AKNAD1: variants seen among roughly 807,000 people sequenced by gnomAD.
AKNAD1 encodes protein AKNAD1.
AKNAD1 carries 67 observed loss-of-function variants against 90.8 expected under a neutral mutation model. The observed-to-expected ratio is 0.74, with a 90% CI of 0.61 to 0.90. AKNAD1 has a LOEUF of 0.90. Ranked by LOEUF, AKNAD1 falls within the 40% of genes least tolerant of loss-of-function variation. The probability of loss-of-function intolerance (pLI) is 0.00; values close to 1 mark genes in which losing one functional copy is unlikely to be tolerated. For missense variants in AKNAD1, 957 were observed against 975.4 expected, an observed-to-expected ratio of 0.98 and a Z score of 0.25; for synonymous variants, 327 against 341.4, an observed-to-expected ratio of 0.96 and a Z score of 0.46.
intron 11 of AKNAD1, among the ~76,000 whole-genome samples, chr1:108,826,437 T>C (rs1189696860): frequency 1.0e-5 from 1 of 97,558 alleles, no homozygotes; most frequent in Admixed American, 9.4e-5. Flanking sequence ...TAAACTATCT[T>C]TGAAAAAAAG....
At chr1:108,839,791 TG>T (rs1557833768) in intron 6 of AKNAD1, among the ~76,000 whole-genome samples, 1 of 152,076 alleles carries the variant, frequency 6.6e-6, no homozygotes, top group South Asian at 2.1e-4. Flanking sequence ...GACCACAGTG[TG>T]GGAGTATCAC....
intron 6 of AKNAD1, among the ~76,000 whole-genome samples, chr1:108,841,191 T>A (rs1323400053): frequency 2.6e-5 from 4 of 151,078 alleles, no homozygotes; most frequent in Non-Finnish European, 4.4e-5. Flanking sequence ...ATAATAGTAA[T>A]AATAAAAATA....
At chr1:108,843,985 AGT>A (rs566692017) in intron 5 of AKNAD1, among the ~76,000 whole-genome samples, 47 of 152,338 alleles carry the variant, frequency 3.1e-4, no homozygotes, top group African/African-American at 1.1e-3. Context: ...CTGGGCCAGA[AGT>A]GTGAGATTAA....
In AKNAD1 at chr1:108,831,645, C is replaced by CT. The variant is rs869205220; in HGVS notation, c.1747-996dup. Among the ~76,000 whole-genome samples the CT allele has an allele frequency of 9.9e-3, 1,391 of 141,166 alleles. 7 individuals are homozygous for CT. Among genetic ancestry groups the CT allele is most frequent in the Middle Eastern group, 0.026 (7 of 268 alleles). 92.6% of individuals were successfully genotyped at this position (141,166 alleles called of 152,430 possible). On this transcript the variant is annotated intron_variant, in intron 9 of 15. Transcript: ENST00000370001. The stretch of plus-strand genomic sequence containing the variant: ...TATTGGTTGTATTTCCTACCTGTGA[C>CT]TTTTTTTTTTTTTTTTGAGACGGAG...
At chr1:108,826,456 G>A (rs1281614525) in intron 11 of AKNAD1, among the ~76,000 whole-genome samples, 1 of 151,548 alleles carries the variant, frequency 6.6e-6, no homozygotes, top group Non-Finnish European at 1.5e-5. Context: ...AGGATCTTAT[G>A]ACTAAAAGCC....
At chr1:108,852,865 A>G (rs1292986574) in intron 1 of AKNAD1, 98 bp from the exon 2 acceptor site, 1 of 446,946 alleles carries the variant, frequency 2.2e-6, no homozygotes, top group Non-Finnish European at 3.8e-6. Flanking sequence ...TGAAAAATTC[A>G]GTTACAAACA....
chr1:108,834,825 A>G (rs1164649818), intron 8 of AKNAD1, 104 bp downstream of exon 8: 1 of 1,475,918 alleles, frequency 6.8e-7, no homozygotes, highest in Non-Finnish European at 9.0e-7. Context: ...GTGGTCCAAG[A>G]CTGCTTTTCC....
At position 108,827,275 on chromosome 1, in the gene AKNAD1, G is replaced by A. The variant is rs879613038; in HGVS notation, c.1866C>T (p.His622=). ...EWKQNVEKKG[H]GRINCGRFSI... ...AAAATCTTCCACAGTTGATCCTTCC[G>A]TGGCCCTTTTTCTCCACGTTTTGCT... Residue 622 remains histidine (H), a synonymous_variant, in exon 11 of 16, where the codon CAC becomes CAT. Transcript: ENST00000370001. 1.4e-5 allele frequency: 22 copies of A among 1,611,596 alleles called. No individual in the cohort carries two copies. The highest frequency in any genetic ancestry group is 2.3e-5 in the East Asian group (1 of 44,106).
At chr1:108,839,471 T>TAAAAAAAAAAAGAAAAAAAAAA (rs1553203224) in intron 6 of AKNAD1, among the ~76,000 whole-genome samples, 20,096 of 115,074 alleles carry the variant, frequency 0.17, 1,293 homozygotes, top group Non-Finnish European at 0.2. Flanking sequence ...TCCGTCTCAA[T>TAAAAAAAAAAAGAAAAAAAAAA]AAAAAAAAAA....
In AKNAD1 at chr1:108,851,637, C is replaced by T. The variant is rs374849699; in HGVS notation, c.993+35G>A. The T allele has an allele frequency of 1.4e-5, 22 of 1,525,532 alleles. No individual in the cohort carries two copies. The Admixed American group carries it at 3.4e-4, about 24-fold the overall frequency. The allele number at this position is 1,525,532 out of a possible 1,614,324, so 94.5% of individuals were successfully genotyped here. On this transcript the variant is annotated intron_variant, in intron 2 of 15. Coordinates refer to ENST00000370001, the MANE Select transcript of AKNAD1 (RefSeq NM_152763.5). ...CACTGAAAGAGATAAGCAGTGGTCC[C>T]AATTAATGTGTTTACAGGAGACTGT...
At position 108,837,647 on chromosome 1, in the gene AKNAD1, A is replaced by G. The variant is rs772556349; in HGVS notation, c.1439T>C (p.Met480Thr). ...EMLLEDVKEK[M>T]DESKYTSAPS... is the part of the protein sequence containing the mutation. ...AGCTGAAGTATATTTGCTTTCATCC[A>G]TTTTCTCTTTAACATCTTCAAGCAG... Residue 480 changes from methionine (M) to threonine (T), a missense_variant, in exon 7 of 16, where the codon ATG (methionine) becomes ACG (threonine). Physicochemically the swap from Met to Thr is moderately conservative, Grantham distance 81. Transcript: ENST00000370001. 6.2e-7 allele frequency: 1 copy of G among 1,614,102 alleles called. No individual in the cohort carries two copies. Among genetic ancestry groups the G allele is most frequent in the Non-Finnish European group, 8.5e-7 (1 of 1,180,012 alleles).
At chr1:108,838,776 A>G (rs895279075) in intron 6 of AKNAD1, among the ~76,000 whole-genome samples, 42 of 152,232 alleles carry the variant, frequency 2.8e-4, no homozygotes, top group African/African-American at 7.2e-4. Flanking sequence ...CCATATCAAC[A>G]CCATTTAAAA....
intron 1 of AKNAD1, 126 bp from the exon 2 acceptor site, chr1:108,852,893 A>T: frequency 2.7e-6 from 1 of 369,868 alleles, no homozygotes; most frequent in Non-Finnish European, 4.7e-6. Context: ...AGGAAGCTCA[A>T]CCACAAGCTG....
At chr1:108,819,780 C>A (rs530855054) in intron 14 of AKNAD1, among the ~76,000 whole-genome samples, 1 of 151,502 alleles carries the variant, frequency 6.6e-6, no homozygotes, top group Admixed American at 6.6e-5. Flanking sequence ...CACCTATAGT[C>A]CTAGCTACTC....
intron 15 of AKNAD1, among the ~76,000 whole-genome samples, chr1:108,816,537 A>G (rs1042717862): frequency 1.3e-5 from 2 of 152,192 alleles, no homozygotes; most frequent in African/African-American, 4.8e-5. Flanking sequence ...AGCATGAATC[A>G]GAGGGTGAGG....
intron 4 of AKNAD1, 48 bp downstream of exon 4, chr1:108,848,864 G>T (rs1149142): frequency 1.3e-6 from 2 of 1,599,994 alleles, no homozygotes; most frequent in South Asian, 2.3e-5. Flanking sequence ...TTTCTCATGT[G>T]TGAATTTGGT....
intron 13 of AKNAD1, 37 bp downstream of exon 13, chr1:108,823,333 G>T (rs1368089384): frequency 1.4e-6 from 2 of 1,461,636 alleles, no homozygotes; most frequent in Admixed American, 1.7e-5. Context: ...ACATTAGGTT[G>T]TTGATATGGA....
Position 108,820,629 on chromosome 1 carries a change from GA to G in AKNAD1, c.2168-4del. On this transcript the variant is annotated splice_region_variant and splice_polypyrimidine_tract_variant and intron_variant, in intron 13 of 15. Transcript: ENST00000370001. ...GATCCGTTTGGGTTTTAAAAAAGCTGAAAAATGTTAGCTATCATTAAATTCA... is the reference window on the plus strand; with the variant it reads ...GATCCGTTTGGGTTTTAAAAAAGCTGAAAATGTTAGCTATCATTAAATTCA... The G allele has an allele frequency of 6.3e-7, 1 of 1,590,048 alleles. No homozygotes were observed. Among genetic ancestry groups the G allele is most frequent in the Non-Finnish European group, 8.6e-7 (1 of 1,161,462 alleles).
intron 13 of AKNAD1, among the ~76,000 whole-genome samples, chr1:108,822,180 C>G (rs924585093): frequency 1.3e-5 from 2 of 152,176 alleles, no homozygotes; most frequent in African/African-American, 4.8e-5. Context: ...GTCCAGTGTA[C>G]AGATCTACAG....
Sources: allele counts gnomAD v4.1 joint callset (sites outside exome capture counted in the v4.1 genomes callset), GRCh38; gene constraint gnomAD v4.1.1; transcripts MANE v1.5; gene names NCBI Gene and HGNC (gene_info 2026-07-23, HGNC 2026-07-21).